Variants in MED13L observed in about 807,000 individuals in gnomAD.
The protein encoded by MED13L is mediator complex subunit 13L.
MED13L carries 7 observed loss-of-function variants against 220.9 expected under a neutral mutation model. That is an observed-to-expected ratio of 0.03 (90% confidence interval 0.02 to 0.06). MED13L has a LOEUF of 0.06. Among genes scored for constraint, MED13L ranks in the 10% least tolerant of loss-of-function variants. The probability of loss-of-function intolerance (pLI) is 1.00; values close to 1 mark genes in which losing one functional copy is unlikely to be tolerated. For synonymous variants in MED13L, 1,011 were observed against 1,015.2 expected (o/e 1.00, Z 0.08); for missense variants, 1,965 against 2,760.5 (o/e 0.71, Z 6.46).
At chr12:116,155,154 G>A (rs1039079905) in intron 2 of MED13L, among the ~76,000 whole-genome samples, 7 of 152,132 alleles carry the variant, frequency 4.6e-5, no homozygotes, top group African/African-American at 1.7e-4. Flanking sequence ...CCAGGCACAG[G>A]GGCTCATGCC....
Position 116,277,227 on chromosome 12 carries a change from G to C in MED13L, c.-96C>G. ...GCGGCGGCGCCTCGCCGGGGAGCGC[G>C]GGGCGGCCGGGCCGCCGCCGCCGCC... On this transcript the variant is annotated 5_prime_UTR_variant, in exon 1 of 31. Transcript: ENST00000281928. 1 of 640,890 alleles carries C rather than the reference G, an allele frequency of 1.6e-6. No individual in the cohort carries two copies. The highest frequency in any genetic ancestry group is 1.9e-6 in the Non-Finnish European group (1 of 514,574). 39.7% of individuals were successfully genotyped at this position (640,890 alleles called of 1,614,324 possible).
chr12:116,008,014 T>C (rs946312077), intron 10 of MED13L: 2 of 330,518 alleles, frequency 6.1e-6, no homozygotes, highest in African/African-American at 4.3e-5. Flanking sequence ...ATAAATATTA[T>C]ACTAGATACA....
chr12:116,236,458 T>C (rs967808406), intron 2 of MED13L, among the ~76,000 whole-genome samples: 6 of 151,884 alleles, frequency 4.0e-5, no homozygotes, highest in African/African-American at 1.5e-4. Flanking sequence ...GTAAAAGCTT[T>C]AGAACAGAGC....
intron 1 of MED13L, among the ~76,000 whole-genome samples, chr12:116,272,403 A>C (rs1873447517): frequency 6.6e-6 from 1 of 152,044 alleles, no homozygotes; most frequent in Admixed American, 6.6e-5. Context: ...TCTATTAAAA[A>C]CACAAATAAA....
At chr12:116,052,162 T>C (rs995400002) in intron 4 of MED13L, among the ~76,000 whole-genome samples, 9 of 152,134 alleles carry the variant, frequency 5.9e-5, no homozygotes, top group Non-Finnish European at 1.3e-4. Flanking sequence ...TTCGTAGTGT[T>C]AAATGACTTG....
intron 4 of MED13L, among the ~76,000 whole-genome samples, chr12:116,087,969 C>T (rs148016375): frequency 6.6e-6 from 1 of 152,236 alleles, no homozygotes; most frequent in South Asian, 2.1e-4. Flanking sequence ...CAAAGTAGTT[C>T]CTTCCACTCC....
intron 2 of MED13L, among the ~76,000 whole-genome samples, chr12:116,226,391 T>C (rs1868997537): frequency 6.6e-6 from 1 of 152,208 alleles, no homozygotes; most frequent in South Asian, 2.1e-4. Flanking sequence ...CAAATAGGTA[T>C]GTGGCCCTGT....
intron 1 of MED13L, among the ~76,000 whole-genome samples, chr12:116,261,353 C>T (rs1199082932): frequency 4.0e-5 from 6 of 151,864 alleles, no homozygotes; most frequent in South Asian, 2.1e-4. Context: ...AAAAATTAGC[C>T]GGGCATGGTC....
At chr12:116,038,771 A>AAAAAAG (rs1881349128) in intron 4 of MED13L, among the ~76,000 whole-genome samples, 2 of 143,694 alleles carry the variant, frequency 1.4e-5, no homozygotes, top group Non-Finnish European at 3.0e-5. Flanking sequence ...AAAAAAAAAA[A>AAAAAAG]GGAGAACCTG....
intron 8 of MED13L, among the ~76,000 whole-genome samples, chr12:116,014,305 C>T (rs914862502): frequency 6.6e-6 from 1 of 152,200 alleles, no homozygotes; most frequent in African/African-American, 2.4e-5. Context: ...TACTGACATG[C>T]ATGTCCATAT....
rs370338510 is a variant in MED13L at position 115,997,931 on chromosome 12, C to CA, written c.2570-702dup. 1.4e-3 allele frequency among the ~76,000 whole-genome samples: 211 copies of CA among 152,222 alleles called. 1 individual carries two copies. Among genetic ancestry groups the CA allele is most frequent in the African/African-American group, 4.9e-3 (203 of 41,526 alleles). Reference sequence around the variant, plus strand: ...GCTTTCAAGTATGTATAAAATATTACAAAAAATAAAAATTGTTTGGAGCTG... The same window carrying CA: ...GCTTTCAAGTATGTATAAAATATTACAAAAAAATAAAAATTGTTTGGAGCTG... On this transcript the variant is annotated intron_variant, in intron 14 of 30. Transcript: ENST00000281928.
intron 30 of MED13L, among the ~76,000 whole-genome samples, chr12:115,962,972 G>C (rs527865466): frequency 6.6e-6 from 1 of 152,232 alleles, no homozygotes; most frequent in Non-Finnish European, 1.5e-5. Flanking sequence ...AGTGAGCTGA[G>C]ATCACGCCTC....
chr12:116,142,811 T>C (rs1336308212), intron 2 of MED13L, among the ~76,000 whole-genome samples: 1 of 152,166 alleles, frequency 6.6e-6, no homozygotes, highest in African/African-American at 2.4e-5. Context: ...TTAAAAGCAA[T>C]GTTAAGTCAA....
intron 16 of MED13L, among the ~76,000 whole-genome samples, chr12:115,993,606 G>A (rs1878209413): frequency 6.6e-6 from 1 of 151,032 alleles, no homozygotes; most frequent in Non-Finnish European, 1.5e-5. Context: ...CTCTCTTAGA[G>A]ACCAAAATAG....
chr12:116,199,988 A>G (rs192294597), intron 2 of MED13L, among the ~76,000 whole-genome samples: 15 of 151,874 alleles, frequency 9.9e-5, no homozygotes, highest in Admixed American at 9.8e-4. Flanking sequence ...ATACATTGTC[A>G]TGGTTGAAAT....
intron 2 of MED13L, among the ~76,000 whole-genome samples, chr12:116,145,697 A>ATTTATTTATTTATTTGTTTG (rs34084324): frequency 6.8e-6 from 1 of 146,960 alleles, no homozygotes; most frequent in South Asian, 2.2e-4. Flanking sequence ...TTATTTATTT[A>ATTTATTTATTTATTTGTTTG]TTTATTTTAA....
intron 2 of MED13L, among the ~76,000 whole-genome samples, chr12:116,158,774 C>T (rs535373932): frequency 1.3e-5 from 2 of 152,262 alleles, no homozygotes; most frequent in South Asian, 4.1e-4. Flanking sequence ...TACTACGTCA[C>T]TTAATTTCTA....
At chr12:116,093,858 A>T (rs1444935983) in intron 4 of MED13L, among the ~76,000 whole-genome samples, 3 of 152,208 alleles carry the variant, frequency 2.0e-5, no homozygotes, top group African/African-American at 4.8e-5. Context: ...CAAAAAAGAC[A>T]CAACTAAACT....
chr12:116,210,416 G>C (rs953114664), intron 2 of MED13L, among the ~76,000 whole-genome samples: 2 of 151,830 alleles, frequency 1.3e-5, no homozygotes, highest in Middle Eastern at 3.4e-3. Context: ...ACCTCTGAGA[G>C]CATTTAATAA....
Sources: allele counts gnomAD v4.1 joint callset (sites outside exome capture counted in the v4.1 genomes callset), GRCh38; gene constraint gnomAD v4.1.1; transcripts MANE v1.5; gene names NCBI Gene and HGNC (gene_info 2026-07-23, HGNC 2026-07-21).